USP40: variants seen among roughly 807,000 people sequenced by gnomAD.
USP40 encodes the protein ubiquitin carboxyl-terminal hydrolase 40.
USP40 carries 143 observed loss-of-function variants against 166.2 expected under a neutral mutation model. The observed-to-expected ratio is 0.86, with a 90% CI of 0.75 to 0.99. USP40 has a LOEUF of 0.99. Ranked by LOEUF, USP40 falls within the 50% of genes least tolerant of loss-of-function variation. USP40 has a pLI of 0.00. For missense variants in USP40, 1,444 were observed against 1,479.7 expected (o/e 0.98, Z 0.40); for synonymous variants, 498 against 524.0 (o/e 0.95, Z 0.68).
rs561764219 is a variant in USP40 at position 233,520,917 on chromosome 2, T to C, written c.2325+74A>G. Reference sequence around the variant, plus strand: ...TATTGAGACAACTGTTCTGAAAGATTAAGGTATTGTTTTCTAAATAAAATT... The same window carrying C: ...TATTGAGACAACTGTTCTGAAAGATCAAGGTATTGTTTTCTAAATAAAATT... On this transcript the variant is annotated intron_variant, in intron 17 of 31. Coordinates refer to ENST00000678225, the MANE Select transcript of USP40 (RefSeq NM_001365479.2). 18 of 1,502,820 alleles carry C rather than the reference T, an allele frequency of 1.2e-5. No homozygotes were observed. The African/African-American group carries it at 2.4e-4, about 20-fold the overall frequency. 93.1% of individuals were successfully genotyped at this position (1,502,820 alleles called of 1,614,324 possible).
chr2:233,565,533 C>A lies in USP40; in HGVS notation c.22G>T (p.Glu8Ter). MFGDLFE[E>*]EYSTVSNNQY... ...TTATTAGACACAGTGGAATACTCCT[C>A]TTCAAACAGGTCCCCAAACATTGTG... Residue 8 changes from glutamate (E) to a stop codon, truncating the protein, a stop_gained, in exon 2 of 32, where the codon GAG becomes TAG. Transcript: ENST00000678225. LOFTEE classifies it high-confidence loss of function. The A allele has an allele frequency of 6.5e-7, 1 of 1,537,260 alleles. No individual in the cohort carries two copies. Among genetic ancestry groups the A allele is most frequent in the Admixed American group, 2.0e-5 (1 of 51,006 alleles).
intron 10 of USP40, among the ~76,000 whole-genome samples, chr2:233,539,002 C>G (rs185510372): frequency 2.6e-5 from 4 of 152,276 alleles, no homozygotes; most frequent in Non-Finnish European, 4.4e-5. Context: ...ACGCTTCAGT[C>G]TGAGTGACAG....
At chr2:233,559,650 A>T (rs1055589655) in intron 4 of USP40, among the ~76,000 whole-genome samples, 161 bp downstream of exon 4, 5 of 152,210 alleles carry the variant, frequency 3.3e-5, no homozygotes, top group Non-Finnish European at 5.9e-5. Context: ...AGTGTCTAAA[A>T]ATATATATTT....
At position 233,520,996 on chromosome 2, in the gene USP40, T is replaced by A. The variant is rs2067611528; in HGVS notation, c.2320A>T (p.Asn774Tyr). The A allele has an allele frequency of 4.3e-6, 7 of 1,612,768 alleles. No homozygotes were observed. Among genetic ancestry groups the A allele is most frequent in the Non-Finnish European group, 5.1e-6 (6 of 1,179,482 alleles). Residue 774 changes from asparagine (N) to tyrosine (Y), a missense_variant, in exon 17 of 32, where the codon AAC becomes TAC. Transcript: ENST00000678225. ...TTTAATTATATTCTACTCACTGTGT[T>A]AACAGTTGCTGATATTTTAACTTGC... is the stretch of plus-strand genomic sequence containing the variant. ...EKQVKISATV[N>Y]TMVFDIRIKA...
At position 233,493,465 on chromosome 2, in the gene USP40, A is replaced by C; in HGVS notation, c.2877T>G (p.Thr959=). ...CTCTCCAAACTCTGCCCCAAGACGA[A>C]GTACAGTTGGTCTGGTCCTGATGAC... The part of the protein sequence containing the change: ...WESHQDQTNC[T]SSWGRVWRAT... Residue 959 remains threonine (T), a synonymous_variant, in exon 25 of 32, where the codon ACT becomes ACG. Coordinates refer to ENST00000678225, the MANE Select transcript of USP40 (RefSeq NM_001365479.2). The surrounding 1 kb of genome is among the most constrained non-coding windows in gnomAD (Gnocchi z 4.7). 1 of 1,613,980 alleles carries C rather than the reference A, an allele frequency of 6.2e-7. No homozygotes were observed. Among genetic ancestry groups the C allele is most frequent in the Non-Finnish European group, 8.5e-7 (1 of 1,179,878 alleles).
chr2:233,487,995 G>A, intron 28 of USP40: 1 of 666,998 alleles, frequency 1.5e-6, no homozygotes, highest in Non-Finnish European at 2.8e-6. Flanking sequence ...CCATCATGGG[G>A]TCAATATGCA....
chr2:233,496,689 G>C (rs1351324367), intron 24 of USP40, 69 bp downstream of exon 24: 1 of 1,337,764 alleles, frequency 7.5e-7, no homozygotes, highest in Non-Finnish European at 1.1e-6. Context: ...CCTAAATGAG[G>C]CTGTATCATC....
rs757757238 is a variant in USP40, at chr2:233,488,293, A to C, written c.3143T>G (p.Leu1048Arg). 1 of 1,599,678 alleles carries C rather than the reference A, an allele frequency of 6.3e-7. No homozygotes were observed. The highest frequency in any genetic ancestry group is 8.5e-7 in the Non-Finnish European group (1 of 1,172,282). Residue 1048 changes from leucine (L) to arginine (R), a missense_variant, in exon 28 of 32, where the codon CTA becomes CGA. Leu to Arg is a moderately radical substitution (Grantham distance 102, BLOSUM62 -2). Transcript: ENST00000678225. ...TAAGCAGATCTCAATTCTCCGTCCT[A>C]GTTTATATTCCCTGATAATAAGTGA... is the stretch of plus-strand genomic sequence containing the variant. ...TDRQPLREYK[L>R]GRRIEICLEP...
At chr2:233,549,872 T>C (rs921942500) in intron 7 of USP40, among the ~76,000 whole-genome samples, 1 of 152,108 alleles carries the variant, frequency 6.6e-6, no homozygotes, top group Non-Finnish European at 1.5e-5. Flanking sequence ...TTTCTATAAT[T>C]AATATGCTCC....
rs557080356 is a variant in USP40, at chr2:233,491,239, C to G, written c.2940G>C (p.Ala980=). The G allele has an allele frequency of 3.1e-6, 5 of 1,611,898 alleles. No individual in the cohort carries two copies. In the Admixed American group the frequency reaches 6.7e-5, roughly 22 times the overall value. The change falls in exon 26 of 32, where the codon GCG becomes GCC. Residue 980 remains alanine, a synonymous_variant. Transcript: ENST00000678225. ...CTCCCAAGTAGAGGAGAGAAACTTG[C>G]GCAGGCTCGTTCCCAGAAGCACCTT... ...SSQGASGNEP[A]QVSLLYLGDI... is the part of the protein sequence containing the mutation.
intron 8 of USP40, chr2:233,545,705 T>G (rs2069850965): frequency 9.5e-6 from 2 of 209,950 alleles, no homozygotes; most frequent in African/African-American, 4.6e-5. Context: ...AAACTACTCC[T>G]TACAGGCAGT....
intron 10 of USP40, among the ~76,000 whole-genome samples, chr2:233,534,189 CTG>C (rs2125282482): frequency 6.6e-6 from 1 of 152,336 alleles, no homozygotes; most frequent in Non-Finnish European, 1.5e-5. Context: ...CAGACAGACT[CTG>C]TTGGGATAAG....
intron 26 of USP40, 198 bp downstream of exon 26, chr2:233,490,969 G>C (rs1196179953): frequency 2.9e-6 from 2 of 701,656 alleles, no homozygotes; most frequent in African/African-American, 1.8e-5. Context: ...TGTCAGAGGA[G>C]GGACCAGTGA....
chr2:233,550,136 G>A (rs1367886014), intron 7 of USP40, among the ~76,000 whole-genome samples: 1 of 151,958 alleles, frequency 6.6e-6, no homozygotes, highest in Non-Finnish European at 1.5e-5. Context: ...CCGCTTGATG[G>A]GTGTCAGTTA....
At chr2:233,479,237 A>C (rs2064377637) in intron 31 of USP40, among the ~76,000 whole-genome samples, 1 of 152,240 alleles carries the variant, frequency 6.6e-6, no homozygotes, top group Admixed American at 6.5e-5. Context: ...GGATGCTTGG[A>C]GAAGTCTGAT....
chr2:233,489,663 C>A, intron 26 of USP40, 180 bp from the exon 27 acceptor site: 1 of 585,502 alleles, frequency 1.7e-6, no homozygotes. Context: ...AACACTAACC[C>A]TGAGCGGTCT....
At chr2:233,487,129 G>A (rs796293474) in intron 28 of USP40, among the ~76,000 whole-genome samples, 2 of 152,292 alleles carry the variant, frequency 1.3e-5, no homozygotes, top group African/African-American at 4.8e-5. Flanking sequence ...ATCATAAAGA[G>A]CTCACACAAA....
Position 233,521,093 on chromosome 2 carries a change from T to TGTC in USP40, c.2222_2223insGAC (p.Lys741_Trp742insThr). On this transcript the variant is annotated inframe_insertion, in exon 17 of 32. Transcript: ENST00000678225. ...CAATCTCATTCATACTAGTGACCCA[T>TGTC]TTCTCTTCCTTGGTCAACAAGCTGT... The TGTC allele has an allele frequency of 1.9e-6, 3 of 1,611,714 alleles. No homozygotes were observed. The South Asian group carries it at 3.3e-5, about 18-fold the overall frequency.
intron 30 of USP40, among the ~76,000 whole-genome samples, chr2:233,484,627 G>A (rs2064830893): frequency 6.6e-6 from 1 of 151,936 alleles, no homozygotes; most frequent in Non-Finnish European, 1.5e-5. Context: ...GACTACAGGT[G>A]TGTGCTACCA....
Sources: allele counts gnomAD v4.1 joint callset (sites outside exome capture counted in the v4.1 genomes callset), GRCh38; gene constraint gnomAD v4.1.1; non-coding constraint Gnocchi (gnomAD v3.1); transcripts MANE v1.5; gene names NCBI Gene and HGNC (gene_info 2026-07-23, HGNC 2026-07-21).